Variants in PLVAP observed in about 807,000 individuals in gnomAD.
PLVAP encodes plasmalemma vesicle associated protein, also known as plasmalemma vesicle-associated protein.
PLVAP carries 34 observed loss-of-function variants against 43.1 expected under a neutral mutation model. That is an observed-to-expected ratio of 0.79 (90% confidence interval 0.60 to 1.05). The LOEUF is 1.05. Ranked by LOEUF, PLVAP falls within the 50% of genes least tolerant of loss-of-function variation. The pLI, the probability that PLVAP is intolerant of heterozygous loss-of-function variation, is 0.00. For missense variants in PLVAP, 574 were observed against 593.4 expected, an observed-to-expected ratio of 0.97 and a Z score of 0.34; for synonymous variants, 241 against 237.3, an observed-to-expected ratio of 1.02 and a Z score of -0.14.
intron 1 of PLVAP, among the ~76,000 whole-genome samples, chr19:17,375,011 G>GGGTTGGCCGGTCTGTACAGAC (rs2074589482): frequency 1.3e-5 from 2 of 152,056 alleles, no homozygotes; most frequent in Non-Finnish European, 2.9e-5. Flanking sequence ...TAGTACAGAC[G>GGGTTGGCCGGTCTGTACAGAC]GGGTTTCACT....
Position 17,352,176 on chromosome 19 carries a change from G to T in PLVAP, c.*186C>A. 4.0e-6 allele frequency: 3 copies of T among 742,128 alleles called. No homozygotes were observed. Among genetic ancestry groups the T allele is most frequent in the Non-Finnish European group, 6.6e-6 (3 of 451,574 alleles). 46.0% of individuals were successfully genotyped at this position (742,128 alleles called of 1,614,324 possible). Reference sequence around the variant, plus strand: ...CCGCGGCCGTGTGCTCTGGGTGAGGGATCGTGAGGCGCGGGTGCGGGTGTG... The same window carrying T: ...CCGCGGCCGTGTGCTCTGGGTGAGGTATCGTGAGGCGCGGGTGCGGGTGTG... On this transcript the variant is annotated 3_prime_UTR_variant, in exon 6 of 6. Coordinates refer to ENST00000252590, the MANE Select transcript of PLVAP (RefSeq NM_031310.3).
At chr19:17,353,509 C>T (rs879456865) in intron 5 of PLVAP, among the ~76,000 whole-genome samples, 7 of 152,108 alleles carry the variant, frequency 4.6e-5, no homozygotes, top group Admixed American at 1.3e-4. Context: ...CGTTCCCCTC[C>T]ATCACTCCAC....
intron 5 of PLVAP, among the ~76,000 whole-genome samples, chr19:17,352,652 T>A (rs1253718132): frequency 6.6e-6 from 1 of 152,066 alleles, no homozygotes; most frequent in Non-Finnish European, 1.5e-5. Flanking sequence ...AGATTCAGAG[T>A]GGCCACACTT....
rs939908685 is a variant in PLVAP at position 17,366,268 on chromosome 19, C to A, written c.370-73G>T. 11 of 1,465,352 alleles carry A rather than the reference C, an allele frequency of 7.5e-6. No homozygotes were observed. The Middle Eastern group carries it at 5.2e-4, about 70-fold the overall frequency. The allele number at this position is 1,465,352 out of a possible 1,614,324, so 90.8% of individuals were successfully genotyped here. Reference sequence around the variant, plus strand: ...CCCCCAGGACTGCCTGGACCCAGATCGAGCACCCTGGTGGCCAGAGTGAGC... The same window carrying A: ...CCCCCAGGACTGCCTGGACCCAGATAGAGCACCCTGGTGGCCAGAGTGAGC... On this transcript the variant is annotated intron_variant, in intron 1 of 5. Transcript: ENST00000252590.
Position 17,357,882 on chromosome 19 carries a change from C to T in PLVAP, c.1322+2646G>A, listed in dbSNP as rs948099113. On this transcript the variant is annotated intron_variant, in intron 5 of 5. Coordinates refer to ENST00000252590, the MANE Select transcript of PLVAP (RefSeq NM_031310.3). ...ACACATTGTTTTCTCGGCAGGTGGACGTCATTTCGGGGTAAACAATGTCAA... is the reference window on the plus strand; with the variant it reads ...ACACATTGTTTTCTCGGCAGGTGGATGTCATTTCGGGGTAAACAATGTCAA... Among the ~76,000 whole-genome samples the T allele has an allele frequency of 2.6e-5, 4 of 152,182 alleles. No individual in the cohort carries two copies. In the South Asian group the frequency reaches 8.3e-4, roughly 32 times the overall value.
intron 3 of PLVAP, among the ~76,000 whole-genome samples, chr19:17,362,919 A>G (rs2074533864): frequency 1.3e-5 from 2 of 152,054 alleles, no homozygotes; most frequent in Admixed American, 6.6e-5. Context: ...TCACCCCAGT[A>G]TCACTCCCAA....
chr19:17,361,990 G>A (rs1235404278), intron 3 of PLVAP: 1 of 152,168 alleles, frequency 6.6e-6, no homozygotes, highest in Non-Finnish European at 1.5e-5. Context: ...GGGAAGCTGA[G>A]GCAGGAGAAT....
At chr19:17,374,760 G>A (rs182611503) in intron 1 of PLVAP, among the ~76,000 whole-genome samples, 10 of 151,916 alleles carry the variant, frequency 6.6e-5, no homozygotes, top group Middle Eastern at 3.4e-3. Flanking sequence ...CAAGTAGCTG[G>A]GACTACTGGC....
Position 17,353,166 on chromosome 19 carries a change from G to A in PLVAP, c.1323-798C>T, listed in dbSNP as rs752851768. Among the ~76,000 whole-genome samples, 13 of 152,268 alleles carry A rather than the reference G, an allele frequency of 8.5e-5. No homozygotes were observed. In the South Asian group the frequency reaches 1.9e-3, roughly 22 times the overall value. On this transcript the variant is annotated intron_variant, in intron 5 of 5. Coordinates refer to ENST00000252590, the MANE Select transcript of PLVAP (RefSeq NM_031310.3). Reference sequence around the variant, plus strand: ...CGCTGGTCCTCTCCCTTCCTTCCCCGGCTCTTCCCTGGGGCCCGAGTGGCC... The same window carrying A: ...CGCTGGTCCTCTCCCTTCCTTCCCCAGCTCTTCCCTGGGGCCCGAGTGGCC...
chr19:17,353,377 C>T (rs1490644485), intron 5 of PLVAP, among the ~76,000 whole-genome samples: 1 of 152,120 alleles, frequency 6.6e-6, no homozygotes, highest in African/African-American at 2.4e-5. Context: ...CAACAGTGAC[C>T]AGAGGAACTT....
chr19:17,361,768 CTA>C (rs2074529304), intron 3 of PLVAP, among the ~76,000 whole-genome samples: 1 of 152,134 alleles, frequency 6.6e-6, no homozygotes. Flanking sequence ...GACCCAACCT[CTA>C]TGAAAATACC....
In PLVAP at chr19:17,365,574, C is replaced by T. The variant is rs1474939804; in HGVS notation, c.891G>A (p.Val297=). 1 of 1,612,286 alleles carries T rather than the reference C, an allele frequency of 6.2e-7. No individual in the cohort carries two copies. Among genetic ancestry groups the T allele is most frequent in the Admixed American group, 1.7e-5 (1 of 60,016 alleles). ...ARSLRADIER[V]ARENSDLQRQ... Reference sequence around the variant, plus strand: ...GTTGGAGGTCTGAGTTCTCGCGGGCCACGCGTTCGATATCCGCCCGGAGGC... The same window carrying T: ...GTTGGAGGTCTGAGTTCTCGCGGGCTACGCGTTCGATATCCGCCCGGAGGC... The change falls in exon 3 of 6, where the codon GTG becomes GTA. Residue 297 remains valine, a synonymous_variant. Coordinates refer to ENST00000252590, the MANE Select transcript of PLVAP (RefSeq NM_031310.3).
intron 1 of PLVAP, among the ~76,000 whole-genome samples, chr19:17,374,665 G>C (rs140478651): frequency 6.7e-6 from 1 of 150,306 alleles, no homozygotes; most frequent in African/African-American, 2.5e-5. Context: ...TCACTCAGTC[G>C]CCCAGGCTGG....
At position 17,365,503 on chromosome 19, in the gene PLVAP, G is replaced by A. The variant is rs376519104; in HGVS notation, c.962C>T (p.Ala321Val). The part of the protein sequence containing the change: ...AQQGLRASQE[A>V]KQKVEKEAQA... ...AGCCTCCTTCTCCACCTTCTGTTTCGCCTCCTGACTGGCCCGCAGGCCCTG... is the reference window on the plus strand; with the variant it reads ...AGCCTCCTTCTCCACCTTCTGTTTCACCTCCTGACTGGCCCGCAGGCCCTG... The change falls in exon 3 of 6, where the codon GCG becomes GTG. Residue 321 changes from alanine (A) to valine (V), a missense_variant. By Grantham distance (64) the Ala-to-Val change is moderately conservative. Coordinates refer to ENST00000252590, the MANE Select transcript of PLVAP (RefSeq NM_031310.3). The A allele has an allele frequency of 3.5e-5, 56 of 1,612,160 alleles. No individual in the cohort carries two copies. The highest frequency in any genetic ancestry group is 1.6e-4 in the African/African-American group (12 of 74,928).
At position 17,351,939 on chromosome 19, in the gene PLVAP, T is replaced by G; in HGVS notation, c.*423A>C. ...GTCTGTGTGATGCCATCGCCGCGTC[T>G]GTGTGACATTAATATGTGTGACGTC... On this transcript the variant is annotated 3_prime_UTR_variant, in exon 6 of 6. Coordinates refer to ENST00000252590, the MANE Select transcript of PLVAP (RefSeq NM_031310.3). The G allele has an allele frequency of 4.1e-6, 1 of 245,668 alleles. No homozygotes were observed. Among genetic ancestry groups the G allele is most frequent in the Non-Finnish European group, 8.1e-6 (1 of 123,978 alleles). The allele number at this position is 245,668 out of a possible 1,614,324, so 15.2% of individuals were successfully genotyped here.
chr19:17,361,073 CCTGGCTAAT>C, intron 3 of PLVAP: 1 of 447,698 alleles, frequency 2.2e-6, no homozygotes, highest in Non-Finnish European at 4.0e-6. Context: ...CACCACCATG[CCTGGCTAAT>C]TTTTTGTATT....
Position 17,377,163 on chromosome 19 carries a change from C to A in PLVAP, c.126G>T (p.Gly42=), listed in dbSNP as rs770628029. The change falls in exon 1 of 6, where the codon GGG becomes GGT. Residue 42 remains glycine, a synonymous_variant. Transcript: ENST00000252590. ...TGCCATAGACCATGAAGAGCACGAG[C>A]CCCAGGATGATGAGGAATTGGATGA... ...VSLIQFLIIL[G]LVLFMVYGNV... 4 of 1,614,060 alleles carry A rather than the reference C, an allele frequency of 2.5e-6. No homozygotes were observed. The highest frequency in any genetic ancestry group is 4.5e-5 in the East Asian group (2 of 44,866).
intron 5 of PLVAP, among the ~76,000 whole-genome samples, chr19:17,358,251 G>A (rs1187863152): frequency 6.8e-6 from 1 of 147,914 alleles, no homozygotes; most frequent in African/African-American, 2.6e-5. Context: ...CCCTGTTGGA[G>A]AGGGTATGCA....
rs530482235 is a variant in PLVAP, at chr19:17,361,770, A to G, written c.1180-938T>C. Among the ~76,000 whole-genome samples the G allele has an allele frequency of 7.9e-5, 12 of 152,134 alleles. No individual in the cohort carries two copies. In the East Asian group the frequency reaches 2.3e-3, roughly 29 times the overall value. ...CAACCATTCTCTTGACCCAACCTCTATGAAAATACCCGTTTCGGGCCAGGC... is the reference window on the plus strand; with the variant it reads ...CAACCATTCTCTTGACCCAACCTCTGTGAAAATACCCGTTTCGGGCCAGGC... On this transcript the variant is annotated intron_variant, in intron 3 of 5. Transcript: ENST00000252590.
Sources: allele counts gnomAD v4.1 joint callset (sites outside exome capture counted in the v4.1 genomes callset), GRCh38; gene constraint gnomAD v4.1.1; transcripts MANE v1.5; gene names NCBI Gene and HGNC (gene_info 2026-07-23, HGNC 2026-07-21).